IBTK: variants seen among roughly 807,000 people sequenced by gnomAD.
IBTK encodes the protein inhibitor of Bruton tyrosine kinase, also known as BTK-binding protein.
Under a neutral mutation model 154.9 loss-of-function variants are expected in IBTK, and 83 were observed. The ratio of observed to expected loss-of-function variants is 0.54; its 90% CI spans 0.45 to 0.64. The LOEUF is 0.64. Among genes scored for constraint, IBTK ranks in the 30% least tolerant of loss-of-function variants. The pLI is 0.00. For missense variants in IBTK, 1,332 were observed against 1,584.6 expected, an observed-to-expected ratio of 0.84 and a Z score of 2.71; for synonymous variants, 515 against 536.1, an observed-to-expected ratio of 0.96 and a Z score of 0.54.
At chr6:82,171,713 T>G (rs1562064631) in intron 28 of IBTK, among the ~76,000 whole-genome samples, 157 bp from the exon 29 acceptor site, 1 of 152,246 alleles carries the variant, frequency 6.6e-6, no homozygotes, top group Non-Finnish European at 1.5e-5. Flanking sequence ...TCAGGTATCC[T>G]GCTATCTCTG....
At position 82,234,215 on chromosome 6, in the gene IBTK, G is replaced by A; in HGVS notation, c.362C>T (p.Ser121Leu). ...ATCCTTCATTACAAGATCCAAAGCT[G>A]ACAAGCCTTCTTTATCTTGAATATA... is the stretch of plus-strand genomic sequence containing the variant. ...SLYIQDKEGL[S>L]ALDLVMKDRP... Residue 121 changes from serine to leucine, a missense_variant, in exon 3 of 29, where the codon TCA (serine) becomes TTA (leucine). Around this residue, in one of 3 missense-constraint regions of IBTK, gnomAD observed 114 missense variants for 213.7 expected, o/e 0.53. Coordinates refer to ENST00000306270, the MANE Select transcript of IBTK (RefSeq NM_015525.4). 1 of 1,603,812 alleles carries A rather than the reference G, an allele frequency of 6.2e-7. No individual in the cohort carries two copies. The highest frequency in any genetic ancestry group is 8.5e-7 in the Non-Finnish European group (1 of 1,173,256).
At chr6:82,233,711 G>T (rs895384124) in intron 3 of IBTK, among the ~76,000 whole-genome samples, 40 of 122,818 alleles carry the variant, frequency 3.3e-4, no homozygotes, top group East Asian at 9.8e-4. Flanking sequence ...CATTTGTAAA[G>T]TTTTTTTTTT....
At chr6:82,173,534 A>C in intron 26 of IBTK, 96 bp from the exon 27 acceptor site, 1 of 907,348 alleles carries the variant, frequency 1.1e-6, no homozygotes, top group Non-Finnish European at 1.7e-6. Flanking sequence ...TAAACTCCTG[A>C]CTCCAGAGGC....
chr6:82,232,044 T>G (rs1448312894), intron 3 of IBTK, among the ~76,000 whole-genome samples: 1 of 136,932 alleles, frequency 7.3e-6, no homozygotes. Flanking sequence ...GTTCCTTGCT[T>G]CTTTTTTTTT....
At chr6:82,174,878 T>C (rs1006867359) in intron 26 of IBTK, 4 of 439,964 alleles carry the variant, frequency 9.1e-6, no homozygotes, top group Non-Finnish European at 1.8e-5. Flanking sequence ...ACAGTGTTTT[T>C]TCCATGATCA....
At chr6:82,221,315 C>T (rs1770094290) in intron 8 of IBTK, among the ~76,000 whole-genome samples, 1 of 152,126 alleles carries the variant, frequency 6.6e-6, no homozygotes, top group Admixed American at 6.6e-5. Flanking sequence ...TAGAGAGAGA[C>T]TCTGTCTTAA....
chr6:82,225,225 G>A (rs576548145), intron 6 of IBTK, among the ~76,000 whole-genome samples: 32 of 151,882 alleles, frequency 2.1e-4, no homozygotes, highest in Non-Finnish European at 4.1e-4. Context: ...CAAGACAATC[G>A]CTTGAACCCG....
intron 3 of IBTK, among the ~76,000 whole-genome samples, chr6:82,232,051 T>TTTG (rs1309294263): frequency 4.0e-5 from 5 of 126,204 alleles, no homozygotes; most frequent in East Asian, 3.0e-4. Flanking sequence ...GCTTCTTTTT[T>TTTG]TTTTGTTGTT....
chr6:82,234,301 A>C (rs1462578343), intron 2 of IBTK, 46 bp from the exon 3 acceptor site: 1 of 681,656 alleles, frequency 1.5e-6, no homozygotes. Context: ...ATATATTATT[A>C]ATTACCTATA....
At chr6:82,235,388 G>T (rs1235049545) in intron 2 of IBTK, among the ~76,000 whole-genome samples, 1 of 152,050 alleles carries the variant, frequency 6.6e-6, no homozygotes, top group Non-Finnish European at 1.5e-5. Flanking sequence ...GAGGTCAGGA[G>T]TTCAACGTCA....
rs752735162 is a variant in IBTK at position 82,223,580 on chromosome 6, A to G, written c.984T>C (p.Ala328=). The G allele has an allele frequency of 1.2e-6, 2 of 1,613,904 alleles. No individual in the cohort carries two copies. Among genetic ancestry groups the G allele is most frequent in the Admixed American group, 1.7e-5 (1 of 59,972 alleles). The part of the protein sequence containing the change: ...LDPNGEKCVT[A]PRQVSALHHK... ...GGTGAAGGGCAGAGACCTGACGAGG[A>G]GCAGTTACACACTTTTCTCCATTGG... Residue 328 remains alanine (A), a synonymous_variant, in exon 8 of 29, where the codon GCT becomes GCC. Transcript: ENST00000306270.
chr6:82,233,027 C>A (rs1005299207), intron 3 of IBTK, among the ~76,000 whole-genome samples: 1 of 151,878 alleles, frequency 6.6e-6, no homozygotes. Context: ...TGGCTCATGC[C>A]TGTAATCCCA....
chr6:82,237,048 G>C (rs1770743533), intron 2 of IBTK, among the ~76,000 whole-genome samples: 1 of 152,176 alleles, frequency 6.6e-6, no homozygotes. Context: ...AAGGTGGCTA[G>C]AGTGACTGAG....
At chr6:82,173,544 C>T in intron 26 of IBTK, 106 bp from the exon 27 acceptor site, 1 of 787,796 alleles carries the variant, frequency 1.3e-6, no homozygotes, top group Non-Finnish European at 2.1e-6. Context: ...ACTCCAGAGG[C>T]AAATTAAATG....
At chr6:82,186,509 T>C (rs2127800994) in intron 25 of IBTK, among the ~76,000 whole-genome samples, 1 of 152,306 alleles carries the variant, frequency 6.6e-6, no homozygotes, top group Middle Eastern at 3.4e-3. Flanking sequence ...GCAAACTACG[T>C]ATAGTATAAA....
At chr6:82,224,894 T>A (rs1230143732) in intron 6 of IBTK, among the ~76,000 whole-genome samples, 1 of 152,190 alleles carries the variant, frequency 6.6e-6, no homozygotes, top group Non-Finnish European at 1.5e-5. Flanking sequence ...TTATGAAGAC[T>A]TAAAAGATGC....
intron 1 of IBTK, among the ~76,000 whole-genome samples, chr6:82,241,389 G>A (rs926718651): frequency 6.6e-5 from 10 of 151,994 alleles, no homozygotes; most frequent in Non-Finnish European, 8.8e-5. Flanking sequence ...CAGTTACTCC[G>A]TTTTTACTAA....
At chr6:82,199,592 AAT>A (rs1438868777) in intron 21 of IBTK, among the ~76,000 whole-genome samples, 1 of 152,016 alleles carries the variant, frequency 6.6e-6, no homozygotes, top group Non-Finnish European at 1.5e-5. Context: ...TCAACATGAT[AAT>A]AGTTATCTCT....
chr6:82,243,296 G>A (rs1264843517), intron 1 of IBTK, among the ~76,000 whole-genome samples: 2 of 151,232 alleles, frequency 1.3e-5, no homozygotes, highest in African/African-American at 2.4e-5. Flanking sequence ...CAATCGTCAA[G>A]TACTTTAAAA....
Sources: allele counts gnomAD v4.1 joint callset (sites outside exome capture counted in the v4.1 genomes callset), GRCh38; gene constraint gnomAD v4.1.1; regional missense constraint gnomAD v4.1.1; transcripts MANE v1.5; gene names NCBI Gene and HGNC (gene_info 2026-07-23, HGNC 2026-07-21).